The following MYOF variants were observed in gnomAD, a reference collection of about 807,000 sequenced individuals.
MYOF encodes the protein fer-1-like 3, myoferlin.
MYOF carries 244 observed loss-of-function variants against 284.2 expected under a neutral mutation model. The observed-to-expected ratio is 0.86, with a 90% CI of 0.77 to 0.95. MYOF has a LOEUF of 0.95. Ranked by LOEUF, MYOF falls within the 40% of genes least tolerant of loss-of-function variation. MYOF has a pLI of 0.00. For synonymous variants in MYOF, 904 were observed against 919.7 expected, an observed-to-expected ratio of 0.98 and a Z score of 0.31; for missense variants, 2,496 against 2,560.6, an observed-to-expected ratio of 0.97 and a Z score of 0.54.
rs527292275 is a variant in MYOF, at chr10:93,315,327, C to T, written c.5698+1387G>A. 7.9e-5 allele frequency among the ~76,000 whole-genome samples: 12 copies of T among 152,272 alleles called. No homozygotes were observed. In the East Asian group the frequency reaches 2.1e-3, roughly 27 times the overall value. On this transcript the variant is annotated intron_variant, in intron 50 of 53. Coordinates refer to ENST00000359263, the MANE Select transcript of MYOF (RefSeq NM_013451.4). ...GTGGCTAGCAGAAAGTGAGTTTCAA[C>T]TGGCAAGTGGCAGAGATCACAGGAC... is the stretch of plus-strand genomic sequence containing the variant.
At position 93,340,035 on chromosome 10, in the gene MYOF, G is replaced by A. The variant is rs958465503; in HGVS notation, c.4338+118C>T. On this transcript the variant is annotated intron_variant, in intron 39 of 53. Coordinates refer to ENST00000359263, the MANE Select transcript of MYOF (RefSeq NM_013451.4). Reference sequence around the variant, plus strand: ...GCGGAGCCTGCAGTGAGCCAAGATCGCGCCACTGCACTCCAGCCTGGGTGA... The same window carrying A: ...GCGGAGCCTGCAGTGAGCCAAGATCACGCCACTGCACTCCAGCCTGGGTGA... 1.6e-5 allele frequency: 17 copies of A among 1,078,352 alleles called. No homozygotes were observed. In the East Asian group the frequency reaches 3.5e-4, roughly 22 times the overall value. 66.8% of individuals were successfully genotyped at this position (1,078,352 alleles called of 1,614,324 possible).
chr10:93,418,605 T>C (rs775127744), intron 5 of MYOF, among the ~76,000 whole-genome samples: 2 of 152,152 alleles, frequency 1.3e-5, no homozygotes, highest in Non-Finnish European at 2.9e-5. Context: ...GAGATCTATG[T>C]CTCCCTCTGG....
chr10:93,327,640 A>G (rs1384196415), intron 45 of MYOF, among the ~76,000 whole-genome samples: 2 of 144,802 alleles, frequency 1.4e-5, no homozygotes, highest in African/African-American at 2.6e-5. Flanking sequence ...GATGCTTCCC[A>G]ATTTATTTCC....
chr10:93,341,978 G>A, intron 38 of MYOF: 1 of 1,289,650 alleles, frequency 7.8e-7, no homozygotes, highest in Non-Finnish European at 1.0e-6. Context: ...CACTGGAATT[G>A]GAAGGTAATT....
chr10:93,473,407 G>T (rs73323406), intron 1 of MYOF, among the ~76,000 whole-genome samples: 2,857 of 152,336 alleles, frequency 0.019, 93 homozygotes, highest in African/African-American at 0.065. Flanking sequence ...GCTATCTCAT[G>T]CACGAGACGC....
chr10:93,428,907 C>T (rs1371701330), intron 4 of MYOF, among the ~76,000 whole-genome samples: 3 of 152,174 alleles, frequency 2.0e-5, no homozygotes, highest in African/African-American at 7.2e-5. Flanking sequence ...GTTCTATAAC[C>T]TCAGGATTCC....
At chr10:93,364,379 A>C (rs1325146828) in intron 26 of MYOF, among the ~76,000 whole-genome samples, 2 of 152,350 alleles carry the variant, frequency 1.3e-5, no homozygotes, top group East Asian at 3.9e-4. Flanking sequence ...CTTCTTACAG[A>C]GACCACAGAC....
chr10:93,353,977 T>C (rs750508957), intron 31 of MYOF, 89 bp from the exon 32 acceptor site: 6 of 1,036,748 alleles, frequency 5.8e-6, no homozygotes, highest in Non-Finnish European at 8.6e-6. Context: ...TACATGTTTC[T>C]GATAAATGGG....
At chr10:93,474,796 G>A (rs889194037) in intron 1 of MYOF, among the ~76,000 whole-genome samples, 1 of 151,666 alleles carries the variant, frequency 6.6e-6, no homozygotes, top group Admixed American at 6.6e-5. Flanking sequence ...GCCCAGGCTG[G>A]AGTGTAATGG....
rs762163573 is a variant in MYOF at position 93,426,096 on chromosome 10, G to C, written c.408C>G (p.Ser136Arg). The C allele has an allele frequency of 3.2e-6, 5 of 1,559,258 alleles. No individual in the cohort carries two copies. In the Admixed American group the frequency reaches 7.6e-5, roughly 24 times the overall value. ...PPSAPHPNDL[S>R]GPSVPGMGGD... ...CTCCCATGCCTGGCACGCTGGGCCC[G>C]CTCAGGTCATTTGGATGTGGAGCAG... is the stretch of plus-strand genomic sequence containing the variant. Residue 136 changes from serine to arginine, a missense_variant, in exon 5 of 54, where the codon AGC (serine) becomes AGG (arginine). By Grantham distance (110) the Ser-to-Arg change is moderately radical (BLOSUM62 -1). Transcript: ENST00000359263.
chr10:93,422,335 A>G (rs1404891015), intron 5 of MYOF, among the ~76,000 whole-genome samples: 1 of 152,226 alleles, frequency 6.6e-6, no homozygotes, highest in Non-Finnish European at 1.5e-5. Context: ...GCGCTTGTGC[A>G]GTTCCCTGGT....
In MYOF at chr10:93,337,925, C is replaced by T. The variant is rs769562995; in HGVS notation, c.4339-12G>A. The stretch of plus-strand genomic sequence containing the variant: ...ACGATTTCTTCCTCCTAAAGACATG[C>T]CAAAATGGAAAAATCTTTAGTGATG... On this transcript the variant is annotated splice_polypyrimidine_tract_variant and intron_variant, in intron 39 of 53. Transcript: ENST00000359263. The T allele has an allele frequency of 6.3e-7, 1 of 1,597,346 alleles. No individual in the cohort carries two copies.
intron 38 of MYOF, chr10:93,341,881 G>A: frequency 7.8e-7 from 1 of 1,284,146 alleles, no homozygotes. Flanking sequence ...CACAGTCCCA[G>A]GCAGCCTCAT....
chr10:93,338,065 C>A, intron 39 of MYOF, 152 bp from the exon 40 acceptor site: 47 of 621,436 alleles, frequency 7.6e-5, no homozygotes, highest in Middle Eastern at 3.5e-4. Context: ...GCACAATGGA[C>A]AAAGCATTCA....
Position 93,349,953 on chromosome 10 carries a change from A to G in MYOF, c.3938T>C (p.Leu1313Ser). 1 of 1,614,070 alleles carries G rather than the reference A, an allele frequency of 6.2e-7. No individual in the cohort carries two copies. The highest frequency in any genetic ancestry group is 8.5e-7 in the Non-Finnish European group (1 of 1,179,960). Residue 1313 changes from leucine (L) to serine (S), a missense_variant, in exon 36 of 54, where the codon TTA becomes TCA. Physicochemically the swap from Leu to Ser is moderately radical, Grantham distance 145 (BLOSUM62 -2). This residue lies in a region of MYOF where 2,436 missense variants were observed against 2,480.7 expected (regional missense o/e 0.98). Coordinates refer to ENST00000359263, the MANE Select transcript of MYOF (RefSeq NM_013451.4). ...LTAIEILAWG[L>S]RNMKNFQMAS... ...CATCTGGAAGTTTTTCATATTTCTT[A>G]AGCCCCAAGCTAGAATCTATGAAAA...
At chr10:93,376,570 G>A (rs1463274592) in intron 22 of MYOF, among the ~76,000 whole-genome samples, 1 of 152,120 alleles carries the variant, frequency 6.6e-6, no homozygotes, top group East Asian at 1.9e-4. Flanking sequence ...ACCACTAGGA[G>A]GCACAAGAAG....
Position 93,450,569 on chromosome 10 carries a change from A to G in MYOF, c.236+1481T>C, listed in dbSNP as rs901227440. 2.0e-5 allele frequency among the ~76,000 whole-genome samples: 3 copies of G among 152,278 alleles called. No homozygotes were observed. The East Asian group carries it at 5.8e-4, about 29-fold the overall frequency. On this transcript the variant is annotated intron_variant, in intron 3 of 53. Transcript: ENST00000359263. ...AGCCTGGGTGACAGAGTGAGACTCC[A>G]TCTCAAAAACAAAAAATAATAATAA...
At chr10:93,422,481 T>G (rs1848394497) in intron 5 of MYOF, among the ~76,000 whole-genome samples, 1 of 152,166 alleles carries the variant, frequency 6.6e-6, no homozygotes, top group South Asian at 2.1e-4. Flanking sequence ...GGCAGGGATT[T>G]TCTCGCCAGC....
rs72637504 is a variant in MYOF at position 93,430,351 on chromosome 10, G to C, written c.345+1057C>G. Among the ~76,000 whole-genome samples the C allele has an allele frequency of 0.062, 9,397 of 151,930 alleles. 1,244 individuals are homozygous for C. The East Asian group carries it at 0.63, about 10-fold the overall frequency. On this transcript the variant is annotated intron_variant, in intron 4 of 53. Coordinates refer to ENST00000359263, the MANE Select transcript of MYOF (RefSeq NM_013451.4). ...AATCCCAGCACTTTGGTAGGTCGAA[G>C]TGGGAGGATCACCTGAGGTCAGGAG...
Sources: gnomAD v4.1 joint callset for allele counts (sites outside exome capture counted in the v4.1 genomes callset) on GRCh38, gnomAD v4.1.1 for gene constraint, gnomAD v4.1.1 regional missense constraint, MANE v1.5 for transcripts, NCBI Gene and HGNC (gene_info 2026-07-23, HGNC 2026-07-21) for gene names.